The following TOB2 variants were observed in gnomAD, a reference collection of about 807,000 sequenced individuals.
TOB2 encodes the protein protein Tob2.
Under a neutral mutation model 17.3 loss-of-function variants are expected in TOB2, and 3 were observed. The observed-to-expected ratio is 0.17, with a 90% CI of 0.08 to 0.45. The LOEUF (loss-of-function observed/expected upper bound fraction) is 0.45. Ranked by LOEUF, TOB2 falls within the 20% of genes least tolerant of loss-of-function variation. The pLI, the probability that TOB2 is intolerant of heterozygous loss-of-function variation, is 0.99. For synonymous variants in TOB2, 163 were observed against 185.6 expected (o/e 0.88, Z 0.99); for missense variants, 407 against 445.7 (o/e 0.91, Z 0.78).
intron 1 of TOB2, among the ~76,000 whole-genome samples, chr22:41,439,824 C>A (rs1173367439): frequency 1.3e-5 from 2 of 151,794 alleles, no homozygotes; most frequent in East Asian, 3.9e-4. Context: ...CCTTAAGGGG[C>A]ATTTTTGGGA....
intron 1 of TOB2, among the ~76,000 whole-genome samples, chr22:41,442,129 A>G (rs540694693): frequency 4.2e-4 from 64 of 151,724 alleles, no homozygotes; most frequent in African/African-American, 1.5e-3. Flanking sequence ...AGTTGTGAGG[A>G]AAGTTGATAC....
chr22:41,435,547 A>C lies in TOB2; in HGVS notation c.*764T>G, dbSNP rs760315013. 1.3e-5 allele frequency: 2 copies of C among 152,732 alleles called. No homozygotes were observed. The highest frequency in any genetic ancestry group is 6.5e-5 in the Admixed American group (1 of 15,288). 9.5% of individuals were successfully genotyped at this position (152,732 alleles called of 1,614,324 possible). Reference sequence around the variant, plus strand: ...GAAGAAGGGGCTGCATGAGGGAAAGAAAGCCCATACACATCAATGGCCAGG... The same window carrying C: ...GAAGAAGGGGCTGCATGAGGGAAAGCAAGCCCATACACATCAATGGCCAGG... On this transcript the variant is annotated 3_prime_UTR_variant, in exon 2 of 2. Transcript: ENST00000327492.
At chr22:41,443,407 C>A (rs1268714547) in intron 1 of TOB2, among the ~76,000 whole-genome samples, 1 of 152,114 alleles carries the variant, frequency 6.6e-6, no homozygotes, top group Non-Finnish European at 1.5e-5. Flanking sequence ...GCAACCTCCG[C>A]CTCCTGGGTT....
chr22:41,441,327 AAGT>A (rs1379196308), intron 1 of TOB2, among the ~76,000 whole-genome samples: 2 of 151,506 alleles, frequency 1.3e-5, no homozygotes, highest in African/African-American at 4.9e-5. Context: ...AAAAAAAAAA[AAGT>A]AAGAATAGTA....
In TOB2 at chr22:41,436,941, A is replaced by C. The variant is rs189863244; in HGVS notation, c.405T>G (p.Pro135=). ...CAATGGGCACGAACACCTGGGCGTC[A>C]GGGTTGAAGCTGCTCTTGATCTCCT... The part of the protein sequence containing the change: ...LDKEIKSSFN[P]DAQVFVPIGS... Residue 135 remains proline, a synonymous_variant, in exon 2 of 2, where the codon CCT becomes CCG. Coordinates refer to ENST00000327492, the MANE Select transcript of TOB2 (RefSeq NM_016272.4). The surrounding 1 kb of genome is among the most constrained non-coding windows in gnomAD (Gnocchi z 4.8). 2.8e-5 allele frequency: 46 copies of C among 1,614,212 alleles called. No homozygotes were observed. Among genetic ancestry groups the C allele is most frequent in the Non-Finnish European group, 3.8e-5 (45 of 1,180,032 alleles).
rs1005171555 is a variant in TOB2 at position 41,435,091 on chromosome 22, AG to A, written c.*1219del. 57 of 152,654 alleles carry A rather than the reference AG, an allele frequency of 3.7e-4. No individual in the cohort carries two copies. Among genetic ancestry groups the A allele is most frequent in the African/African-American group, 1.3e-3 (55 of 41,476 alleles). 9.5% of individuals were successfully genotyped at this position (152,654 alleles called of 1,614,324 possible). ...CACCCTGCCTCTCTGCCCACCCCCA[AG>A]GGTGCTCAGGTGAGCAGCTCCCTCT... On this transcript the variant is annotated 3_prime_UTR_variant, in exon 2 of 2. Transcript: ENST00000327492.
chr22:41,444,015 T>C (rs1443927115), intron 1 of TOB2, among the ~76,000 whole-genome samples: 1 of 152,154 alleles, frequency 6.6e-6, no homozygotes, highest in East Asian at 1.9e-4. Context: ...CCCAAAAAGA[T>C]ACTCAGACAC....
intron 1 of TOB2, among the ~76,000 whole-genome samples, chr22:41,439,181 T>C (rs1468339027): frequency 1.3e-5 from 2 of 152,148 alleles, no homozygotes; most frequent in Non-Finnish European, 2.9e-5. Context: ...GAAAGAGCCA[T>C]CTCTGAGAGG....
At chr22:41,443,464 C>G (rs1448759161) in intron 1 of TOB2, among the ~76,000 whole-genome samples, 1 of 149,116 alleles carries the variant, frequency 6.7e-6, no homozygotes, top group East Asian at 2.0e-4. Flanking sequence ...GGATTATAGG[C>G]ACGCGGGACC....
Position 41,436,238 on chromosome 22 carries a change from C to T in TOB2, c.*73G>A, listed in dbSNP as rs781584943. 6.8e-7 allele frequency: 1 copy of T among 1,471,864 alleles called. No individual in the cohort carries two copies. Among genetic ancestry groups the T allele is most frequent in the South Asian group, 1.5e-5 (1 of 68,330 alleles). 91.2% of individuals were successfully genotyped at this position (1,471,864 alleles called of 1,614,324 possible). ...AAATCTTTTTGTACATTTTTCTTTT[C>T]CTCTTTTTTTTGGCCTTTCCTTTCT... On this transcript the variant is annotated 3_prime_UTR_variant, in exon 2 of 2. Transcript: ENST00000327492. This position sits in a 1 kb window ranked among gnomAD's most constrained non-coding sequence, Gnocchi z 4.8.
rs1386605316 is a variant in TOB2 at position 41,436,933 on chromosome 22, T to C, written c.413A>G (p.Gln138Arg). The C allele has an allele frequency of 6.2e-7, 1 of 1,614,024 alleles. No homozygotes were observed. The highest frequency in any genetic ancestry group is 1.3e-5 in the African/African-American group (1 of 74,908). Residue 138 changes from glutamine to arginine, a missense_variant, in exon 2 of 2, where the codon CAG becomes CGG. By Grantham distance (43) the Gln-to-Arg change is conservative. Coordinates refer to ENST00000327492, the MANE Select transcript of TOB2 (RefSeq NM_016272.4). The surrounding 1 kb of genome is among the most constrained non-coding windows in gnomAD (Gnocchi z 4.8). ...CTGGCTGCCAATGGGCACGAACACC[T>C]GGGCGTCAGGGTTGAAGCTGCTCTT... The part of the protein sequence containing the change: ...EIKSSFNPDA[Q>R]VFVPIGSQDS...
At position 41,437,013 on chromosome 22, in the gene TOB2, C is replaced by T; in HGVS notation, c.333G>A (p.Val111=). 1.2e-6 allele frequency: 2 copies of T among 1,614,156 alleles called. No individual in the cohort carries two copies. Among genetic ancestry groups the T allele is most frequent in the Non-Finnish European group, 1.7e-6 (2 of 1,180,044 alleles). ...YQIGEKGAVK[V]LYLDDSEGCG... ...AACCCTCACTGTCATCCAGGTACAGCACTTTCACAGCTCCCTTCTCACCAA... is the reference window on the plus strand; with the variant it reads ...AACCCTCACTGTCATCCAGGTACAGTACTTTCACAGCTCCCTTCTCACCAA... The change falls in exon 2 of 2, where the codon GTG becomes GTA. Residue 111 remains valine (V), a synonymous_variant. Transcript: ENST00000327492.
intron 1 of TOB2, among the ~76,000 whole-genome samples, chr22:41,440,845 G>A (rs2037610757): frequency 6.7e-6 from 1 of 148,776 alleles, no homozygotes; most frequent in Non-Finnish European, 1.5e-5. Context: ...AGGTTTACAG[G>A]CCTGAGCCAC....
chr22:41,441,186 G>A (rs772825964), intron 1 of TOB2, among the ~76,000 whole-genome samples: 1 of 151,732 alleles, frequency 6.6e-6, no homozygotes, highest in African/African-American at 2.4e-5. Flanking sequence ...GTGGTGGCAC[G>A]CAGCTGTAGT....
intron 1 of TOB2, among the ~76,000 whole-genome samples, chr22:41,443,931 G>A (rs1036003837): frequency 6.6e-6 from 1 of 152,182 alleles, no homozygotes; most frequent in South Asian, 2.1e-4. Flanking sequence ...CGGCCGGAAG[G>A]TTTTTCAGAA....
At chr22:41,439,951 C>G (rs1400377995) in intron 1 of TOB2, among the ~76,000 whole-genome samples, 1 of 152,126 alleles carries the variant, frequency 6.6e-6, no homozygotes, top group Non-Finnish European at 1.5e-5. Flanking sequence ...TTCTGAGGAA[C>G]AGAGAAGGTC....
rs1200646177 is a variant in TOB2, at chr22:41,435,240, T to G, written c.*1071A>C. 1 of 152,214 alleles carries G rather than the reference T, an allele frequency of 6.6e-6. No individual in the cohort carries two copies. Among genetic ancestry groups the G allele is most frequent in the Non-Finnish European group, 1.5e-5 (1 of 68,050 alleles). 9.4% of individuals were successfully genotyped at this position (152,214 alleles called of 1,614,324 possible). A position where few individuals can be genotyped will look rare whatever the true frequency, so the allele number is the denominator to read the frequency against. On this transcript the variant is annotated 3_prime_UTR_variant, in exon 2 of 2. Coordinates refer to ENST00000327492, the MANE Select transcript of TOB2 (RefSeq NM_016272.4). The stretch of plus-strand genomic sequence containing the variant: ...TTATTTTTTTGGTCAAAAACAAAAC[T>G]GCAGATCCTTCCACAGTCTGCAAAC...
At position 41,437,380 on chromosome 22, in the gene TOB2, C is replaced by A. The variant is rs1349424037; in HGVS notation, c.-35G>T. On this transcript the variant is annotated 5_prime_UTR_variant, in exon 2 of 2. Coordinates refer to ENST00000327492, the MANE Select transcript of TOB2 (RefSeq NM_016272.4). ...CTAGGCAGAGAATCAGCACAGGGCA[C>A]GTGTACAGCCTTGGGCTCCAGGCGG... 1.0e-5 allele frequency: 16 copies of A among 1,582,256 alleles called. No individual in the cohort carries two copies. In the East Asian group the frequency reaches 3.4e-4, roughly 33 times the overall value.
Position 41,436,444 on chromosome 22 carries a change from A to G in TOB2, c.902T>C (p.Met301Thr). ...GGCACCACCTCCAAATACCTGGGCC[A>G]TGTCAAAGCTGCTGCTGTTGCAGGT... The part of the protein sequence containing the change: ...AGTCNSSSFD[M>T]AQVFGGGANS... Residue 301 changes from methionine (M) to threonine (T), a missense_variant, in exon 2 of 2, where the codon ATG (methionine) becomes ACG (threonine). Met to Thr is a moderately conservative substitution (Grantham distance 81). Transcript: ENST00000327492. The surrounding 1 kb of genome is among the most constrained non-coding windows in gnomAD (Gnocchi z 4.8). 1 of 1,614,226 alleles carries G rather than the reference A, an allele frequency of 6.2e-7. No individual in the cohort carries two copies. Among genetic ancestry groups the G allele is most frequent in the Non-Finnish European group, 8.5e-7 (1 of 1,180,036 alleles).
Sources: gnomAD v4.1 joint callset for allele counts (sites outside exome capture counted in the v4.1 genomes callset) on GRCh38, gnomAD v4.1.1 for gene constraint, Gnocchi (gnomAD v3.1) non-coding constraint, MANE v1.5 for transcripts, NCBI Gene and HGNC (gene_info 2026-07-23, HGNC 2026-07-21) for gene names.